SPINK5: variants seen among roughly 807,000 people sequenced by gnomAD.
SPINK5 encodes the protein serine peptidase inhibitor Kazal type 5, also known as serine protease inhibitor Kazal-type 5.
A neutral mutation model predicts 151.8 loss-of-function variants in SPINK5; 125 were observed. That is an observed-to-expected ratio of 0.82 (90% CI 0.71 to 0.96). SPINK5 has a LOEUF of 0.96. Among genes scored for constraint, SPINK5 ranks in the 40% least tolerant of loss-of-function variants. The pLI is 0.00. For synonymous variants in SPINK5, 374 were observed against 395.3 expected, an observed-to-expected ratio of 0.95 and a Z score of 0.64; for missense variants, 1,194 against 1,291.9, an observed-to-expected ratio of 0.92 and a Z score of 1.16.
chr5:148,067,973 C>T (rs1752628503), intron 2 of SPINK5, among the ~76,000 whole-genome samples: 1 of 152,068 alleles, frequency 6.6e-6, no homozygotes, highest in African/African-American at 2.4e-5. Context: ...CCAGGATTAT[C>T]ATGAGTCGTC....
At chr5:148,119,532 C>A (rs879505326) in intron 24 of SPINK5, among the ~76,000 whole-genome samples, 1 of 152,176 alleles carries the variant, frequency 6.6e-6, no homozygotes, top group Non-Finnish European at 1.5e-5. Context: ...ATGCCGCATT[C>A]CTTTGTGGAG....
chr5:148,137,263 A>G lies in SPINK5; in HGVS notation c.*272A>G, dbSNP rs1236201998. The G allele has an allele frequency of 5.3e-5, 28 of 532,634 alleles. 1 individual carries two copies. Among genetic ancestry groups the G allele is most frequent in the Middle Eastern group, 4.6e-4 (1 of 2,190 alleles). The allele number at this position is 532,634 out of a possible 1,614,324, so 33.0% of individuals were successfully genotyped here. A position where few individuals can be genotyped will look rare whatever the true frequency, so the allele number is the denominator to read the frequency against. ...TGCTGTCTGTCCAACTGCCTGTTCA[A>G]TAAAAGTAAACTCAGCAGAACACCC... On this transcript the variant is annotated 3_prime_UTR_variant, in exon 33 of 33. Transcript: ENST00000256084.
intron 26 of SPINK5, 44 bp downstream of exon 26, chr5:148,120,435 AT>A: frequency 6.4e-7 from 1 of 1,552,700 alleles, no homozygotes; most frequent in Non-Finnish European, 8.7e-7. Flanking sequence ...CAGTTAGTTC[AT>A]TGTATGGTAT....
chr5:148,118,106 C>T (rs941231808), intron 22 of SPINK5, among the ~76,000 whole-genome samples: 3 of 152,128 alleles, frequency 2.0e-5, no homozygotes. Context: ...GCAACTTCTG[C>T]CTCCTGGGTT....
chr5:148,065,478 A>G, intron 2 of SPINK5, 106 bp downstream of exon 2: 1 of 1,201,778 alleles, frequency 8.3e-7, no homozygotes, highest in Non-Finnish European at 1.2e-6. Flanking sequence ...TTATACTGGT[A>G]GGTACTAATA....
intron 4 of SPINK5, among the ~76,000 whole-genome samples, chr5:148,075,394 A>G (rs148312918): frequency 0.034 from 5,112 of 151,152 alleles, 149 homozygotes; most frequent in East Asian, 0.13. Flanking sequence ...AACTATTATT[A>G]TTTTCTTAGA....
intron 6 of SPINK5, chr5:148,089,203 T>C (rs1189348964): frequency 2.0e-6 from 1 of 504,628 alleles, no homozygotes; most frequent in African/African-American, 1.9e-5. Context: ...TAAATGTCTC[T>C]TTTTATCACC....
chr5:148,068,572 A>AG, intron 2 of SPINK5, among the ~76,000 whole-genome samples: 1 of 144,716 alleles, frequency 6.9e-6, no homozygotes, highest in Non-Finnish European at 1.5e-5. Flanking sequence ...AAAAAAAAAA[A>AG]AAAAAAAAAG....
In SPINK5 at chr5:148,071,416, G is replaced by C. The variant is rs190200987; in HGVS notation, c.210-732G>C. 1.2e-3 allele frequency among the ~76,000 whole-genome samples: 189 copies of C among 152,108 alleles called. 1 individual carries two copies. Among genetic ancestry groups the C allele is most frequent in the African/African-American group, 4.4e-3 (184 of 41,516 alleles). Reference sequence around the variant, plus strand: ...CCAGGACAAGATTTAATAGAGGATGGGAGGCCTAGGGCAGGTTGAATAATT... The same window carrying C: ...CCAGGACAAGATTTAATAGAGGATGCGAGGCCTAGGGCAGGTTGAATAATT... On this transcript the variant is annotated intron_variant, in intron 3 of 32. Transcript: ENST00000256084.
rs201674667 is a variant in SPINK5, at chr5:148,111,807, C to A, written c.1732C>A (p.Arg578=). The change falls in exon 19 of 33, where the codon CGA becomes AGA. Residue 578 remains arginine, a synonymous_variant. Coordinates refer to ENST00000256084, the MANE Select transcript of SPINK5 (RefSeq NM_006846.4). The part of the protein sequence containing the change: ...SEYRHYVRNG[R]LPCTRENDPI... ...ATATCGTCATTATGTGAGGAATGGA[C>A]GACTCCCCTGTACCAGAGAGAATGA... The A allele has an allele frequency of 9.0e-5, 145 of 1,613,986 alleles. No individual in the cohort carries two copies. The highest frequency in any genetic ancestry group is 1.3e-4 in the South Asian group (12 of 91,082).
intron 19 of SPINK5, 88 bp downstream of exon 19, chr5:148,111,983 C>T: frequency 6.3e-7 from 1 of 1,594,144 alleles, no homozygotes; most frequent in Non-Finnish European, 8.6e-7. Flanking sequence ...AAGTTTTCTC[C>T]AGGAGATAGA....
Position 148,072,170 on chromosome 5 carries a change from A to G in SPINK5, c.232A>G (p.Lys78Glu), listed in dbSNP as rs762849019. 2.5e-6 allele frequency: 4 copies of G among 1,612,214 alleles called. No homozygotes were observed. The African/African-American group carries it at 4.0e-5, about 16-fold the overall frequency. The change falls in exon 4 of 33, where the codon AAG (lysine) becomes GAG (glutamate). Residue 78 changes from lysine (K) to glutamate (E), a missense_variant. Physicochemically the swap from Lys to Glu is moderately conservative, Grantham distance 56. Coordinates refer to ENST00000256084, the MANE Select transcript of SPINK5 (RefSeq NM_006846.4). ...CAGGGAAAAAGAAGCAAAATCACAG[A>G]AGAGGGCCAGGCATTTAGCAAGAGC... ...MILEKEAKSQ[K>E]RARHLARAPK...
Position 148,088,606 on chromosome 5 carries a change from G to A in SPINK5, c.474+1G>A. Reference sequence around the variant, plus strand: ...ATGTAAGAGCAGTAATCCAGAGCAGGTGAGGTCAATTGTCAGCCTGATGGG... The same window carrying A: ...ATGTAAGAGCAGTAATCCAGAGCAGATGAGGTCAATTGTCAGCCTGATGGG... On this transcript the variant is annotated splice_donor_variant, in intron 6 of 32. Transcript: ENST00000256084. LOFTEE classifies it high-confidence loss of function. 1 of 1,611,470 alleles carries A rather than the reference G, an allele frequency of 6.2e-7. No homozygotes were observed. Among genetic ancestry groups the A allele is most frequent in the Non-Finnish European group, 8.5e-7 (1 of 1,178,370 alleles).
At chr5:148,133,744 T>C in intron 31 of SPINK5, 53 bp from the exon 32 acceptor site, 2 of 1,574,914 alleles carry the variant, frequency 1.3e-6, no homozygotes, top group Non-Finnish European at 1.7e-6. Flanking sequence ...ATTTATTTTC[T>C]TATTATAACT....
At chr5:148,096,854 T>C (rs1006994758) in intron 10 of SPINK5, among the ~76,000 whole-genome samples, 1 of 150,348 alleles carries the variant, frequency 6.7e-6, no homozygotes, top group African/African-American at 2.4e-5. Flanking sequence ...GACTTCCCAC[T>C]CTCAAGCTAT....
intron 28 of SPINK5, among the ~76,000 whole-genome samples, chr5:148,125,319 T>C (rs1339967133): frequency 6.6e-6 from 1 of 152,232 alleles, no homozygotes; most frequent in Non-Finnish European, 1.5e-5. Context: ...TTCTTTTCTA[T>C]TTATTTTTCA....
chr5:148,108,884 T>G (rs776849090), intron 18 of SPINK5, 47 bp downstream of exon 18: 7 of 1,606,678 alleles, frequency 4.4e-6, no homozygotes, highest in Middle Eastern at 1.7e-4. Flanking sequence ...CAACGATCAC[T>G]CTCCCTAGGG....
At chr5:148,074,753 A>T (rs989385646) in intron 4 of SPINK5, among the ~76,000 whole-genome samples, 8 of 151,808 alleles carry the variant, frequency 5.3e-5, no homozygotes, top group Non-Finnish European at 8.8e-5. Flanking sequence ...TTTTTACAGT[A>T]TTAATTTTCT....
chr5:148,108,949 G>C (rs1561693915), intron 18 of SPINK5, 112 bp downstream of exon 18: 1 of 1,555,880 alleles, frequency 6.4e-7, no homozygotes, highest in East Asian at 2.3e-5. Context: ...TTGCAAACTG[G>C]GAAAATGTGT....
Sources: allele counts gnomAD v4.1 joint callset (sites outside exome capture counted in the v4.1 genomes callset), GRCh38; gene constraint gnomAD v4.1.1; transcripts MANE v1.5; gene names NCBI Gene and HGNC (gene_info 2026-07-23, HGNC 2026-07-21).